Variants in SEC31A observed in about 807,000 individuals in gnomAD.
The protein encoded by SEC31A is SEC31 homolog A, COPII component.
A neutral mutation model predicts 151.0 loss-of-function variants in SEC31A; 70 were observed. That is an observed-to-expected ratio of 0.46 (90% CI 0.38 to 0.57). The LOEUF is 0.57. SEC31A is among the 20% of genes least tolerant of loss of function. The pLI, the probability that SEC31A is intolerant of heterozygous loss-of-function variation, is 0.00. For synonymous variants in SEC31A, 475 were observed against 505.9 expected (o/e 0.94, Z 0.82); for missense variants, 1,330 against 1,471.2 (o/e 0.90, Z 1.57).
chr4:82,891,144 C>A lies in SEC31A; in HGVS notation c.-61G>T, dbSNP rs778217406. 1 of 1,535,864 alleles carries A rather than the reference C, an allele frequency of 6.5e-7. No homozygotes were observed. Among genetic ancestry groups the A allele is most frequent in the Admixed American group, 2.0e-5 (1 of 50,998 alleles). On this transcript the variant is annotated 5_prime_UTR_variant, in exon 1 of 27. Coordinates refer to ENST00000395310, the MANE Select transcript of SEC31A (RefSeq NM_001077207.4). ...GTTAGTGCAGCGCTCGTCGGACTCTCCCAGCATTCGCCGCCGCCCCTCCTC... is the reference window on the plus strand; with the variant it reads ...GTTAGTGCAGCGCTCGTCGGACTCTACCAGCATTCGCCGCCGCCCCTCCTC...
chr4:82,864,805 G>A (rs1021152182), intron 10 of SEC31A, among the ~76,000 whole-genome samples: 12 of 149,844 alleles, frequency 8.0e-5, no homozygotes, highest in East Asian at 5.9e-4. Context: ...ACAGAGTTTC[G>A]CTCTTAGTCA....
upstream of SEC31A, chr4:82,891,337 G>A (rs1273907374): frequency 1.0e-5 from 7 of 702,962 alleles, no homozygotes; most frequent in African/African-American, 9.0e-5. Context: ...GTACGGCTCC[G>A]CTGGTTGGTG....
chr4:82,898,166 A>G (rs775508822), intron 3 of SEC31A: 2 of 152,258 alleles, frequency 1.3e-5, no homozygotes, highest in African/African-American at 2.4e-5. Context: ...TAAGTATTCA[A>G]TAATCACAAC....
In SEC31A at chr4:82,851,593, C is replaced by T; in HGVS notation, c.2166G>A (p.Glu722=). 1 of 1,608,754 alleles carries T rather than the reference C, an allele frequency of 6.2e-7. No homozygotes were observed. The highest frequency in any genetic ancestry group is 1.1e-5 in the South Asian group (1 of 90,376). ...SHPLSLQDLI[E]KVVILRKAVQ... ...CAGCTTTTCGCAGGATGACAACTTT[C>T]TCAATCAGATCCTAAATGAAAAAAA... Residue 722 remains glutamate (E), a synonymous_variant, in exon 19 of 27, where the codon GAG becomes GAA. Coordinates refer to ENST00000395310, the MANE Select transcript of SEC31A (RefSeq NM_001077207.4).
At chr4:82,898,553 G>A (rs980895402) in intron 3 of SEC31A, among the ~76,000 whole-genome samples, 16 of 152,184 alleles carry the variant, frequency 1.1e-4, no homozygotes, top group African/African-American at 3.4e-4. Flanking sequence ...TTCATCTTTA[G>A]GAAAGGCAAA....
intron 26 of SEC31A, among the ~76,000 whole-genome samples, chr4:82,820,717 T>A (rs897617651): frequency 7.9e-5 from 12 of 152,292 alleles, no homozygotes; most frequent in Admixed American, 2.0e-4. Context: ...ACTCTTTGAT[T>A]TCTTGTAACT....
intron 3 of SEC31A, among the ~76,000 whole-genome samples, chr4:82,896,856 A>G (rs1018203470): frequency 1.3e-5 from 2 of 152,152 alleles, no homozygotes; most frequent in African/African-American, 2.4e-5. Context: ...AAGGAGTTTG[A>G]CCTTTTTCCC....
chr4:82,873,244 G>C (rs1251117052), intron 6 of SEC31A, among the ~76,000 whole-genome samples: 1 of 151,766 alleles, frequency 6.6e-6, no homozygotes, highest in Non-Finnish European at 1.5e-5. Flanking sequence ...TGTAATCCCA[G>C]CTACTTAGGA....
At chr4:82,870,475 A>G in intron 7 of SEC31A, 51 bp from the exon 8 acceptor site, 1 of 1,375,254 alleles carries the variant, frequency 7.3e-7, no homozygotes, top group Admixed American at 1.8e-5. Context: ...AGAAAACCAA[A>G]TCTCAACTAT....
intron 10 of SEC31A, among the ~76,000 whole-genome samples, chr4:82,866,254 T>C (rs1326013335): frequency 6.6e-6 from 1 of 152,094 alleles, no homozygotes; most frequent in South Asian, 2.1e-4. Flanking sequence ...GTGGATCACC[T>C]GAGGTCAGGA....
chr4:82,856,462 T>C (rs1732684756), intron 16 of SEC31A, among the ~76,000 whole-genome samples: 1 of 151,364 alleles, frequency 6.6e-6, no homozygotes, highest in African/African-American at 2.4e-5. Context: ...ATTAAAAAAT[T>C]TAATAAGGCC....
chr4:82,858,766 A>G (rs1037781586), intron 14 of SEC31A, among the ~76,000 whole-genome samples: 6 of 150,628 alleles, frequency 4.0e-5, no homozygotes, highest in Non-Finnish European at 7.4e-5. Flanking sequence ...GCAGTGGCGC[A>G]CTCTCGGCTC....
intron 1 of SEC31A, among the ~76,000 whole-genome samples, chr4:82,887,918 C>T (rs1447948637): frequency 2.0e-5 from 3 of 150,820 alleles, no homozygotes; most frequent in African/African-American, 7.3e-5. Flanking sequence ...CAGTGGCGGG[C>T]GCCTGTAGTC....
Position 82,864,579 on chromosome 4 carries a change from G to A in SEC31A, c.1217C>T (p.Thr406Met), listed in dbSNP as rs143702585. ...AGAAGGCATTCTGACATTCTCAAAC[G>A]TAACCAGTTTGCCTCCAAACTATAA... ...ASFSFGGKLV[T>M]FENVRMPSHQ... is the part of the protein sequence containing the mutation. The change falls in exon 11 of 27, where the codon ACG (threonine) becomes ATG (methionine). Residue 406 changes from threonine to methionine, a missense_variant. Thr to Met is a moderately conservative substitution (Grantham distance 81). Transcript: ENST00000395310. 24 of 1,613,666 alleles carry A rather than the reference G, an allele frequency of 1.5e-5. No homozygotes were observed. The highest frequency in any genetic ancestry group is 1.8e-5 in the Non-Finnish European group (21 of 1,179,938).
chr4:82,861,646 C>T lies in SEC31A; in HGVS notation c.1611G>A (p.Glu537=). ...AAATAAGTACCTCTCCCAAGAGCTG[C>T]TCTTCAGCAGCAGGGCTCTCCTCCC... ...SDGEESPAAE[E]QLLGEHIKEE... The change falls in exon 14 of 27, where the codon GAG becomes GAA. Residue 537 remains glutamate (E), a synonymous_variant. Coordinates refer to ENST00000395310, the MANE Select transcript of SEC31A (RefSeq NM_001077207.4). The T allele has an allele frequency of 6.2e-7, 1 of 1,608,272 alleles. No homozygotes were observed. Among genetic ancestry groups the T allele is most frequent in the Non-Finnish European group, 8.5e-7 (1 of 1,175,708 alleles).
chr4:82,836,718 G>A (rs1727404820), intron 22 of SEC31A, among the ~76,000 whole-genome samples: 1 of 152,132 alleles, frequency 6.6e-6, no homozygotes, highest in Admixed American at 6.5e-5. Context: ...GTGGGGAACA[G>A]AAGCTATTAT....
rs556825774 is a variant in SEC31A, at chr4:82,828,093, T to C, written c.3028-461A>G. On this transcript the variant is annotated intron_variant, in intron 23 of 26. Coordinates refer to ENST00000395310, the MANE Select transcript of SEC31A (RefSeq NM_001077207.4). Reference sequence around the variant, plus strand: ...CCACGCCCAGCTAATTTTTGTATTTTTAGTAGAGATGGGGTTTGACCATAC... The same window carrying C: ...CCACGCCCAGCTAATTTTTGTATTTCTAGTAGAGATGGGGTTTGACCATAC... 9.0e-4 allele frequency among the ~76,000 whole-genome samples: 137 copies of C among 152,250 alleles called. 1 individual carries two copies. The highest frequency in any genetic ancestry group is 3.2e-3 in the African/African-American group (133 of 41,548).
chr4:82,896,448 G>C lies in SEC31A; in HGVS notation c.-2+3265C>G, dbSNP rs565097155. Among the ~76,000 whole-genome samples, 3 of 152,154 alleles carry C rather than the reference G, an allele frequency of 2.0e-5. No homozygotes were observed. In the South Asian group the frequency reaches 6.2e-4, roughly 32 times the overall value. ...GGCCAGGCTGGTCTTGAACTCCTGAGCTCAGGTGATTCACCTGCCTTAGCC... is the reference window on the plus strand; with the variant it reads ...GGCCAGGCTGGTCTTGAACTCCTGACCTCAGGTGATTCACCTGCCTTAGCC... On this transcript the variant is annotated intron_variant, in intron 3 of 28. Coordinates refer to the SEC31A transcript ENST00000355196.
intron 17 of SEC31A, among the ~76,000 whole-genome samples, chr4:82,854,176 C>T (rs547392220): frequency 3.6e-4 from 55 of 152,206 alleles, no homozygotes; most frequent in African/African-American, 1.3e-3. Context: ...CCAGCCTGGC[C>T]AACATGGTGA....
Sources: allele counts gnomAD v4.1 joint callset (sites outside exome capture counted in the v4.1 genomes callset), GRCh38; gene constraint gnomAD v4.1.1; transcripts MANE v1.5; gene names NCBI Gene and HGNC (gene_info 2026-07-23, HGNC 2026-07-21).